Variants in RRN3 observed in about 807,000 individuals in gnomAD.
The protein encoded by RRN3 is RNA polymerase I transcription factor RRN3, also known as RNA polymerase I-specific transcription initiation factor RRN3.
Under a neutral mutation model 82.3 loss-of-function variants are expected in RRN3, and 38 were observed. The ratio of observed to expected loss-of-function variants is 0.46; its 90% CI spans 0.36 to 0.61. The LOEUF (loss-of-function observed/expected upper bound fraction) is 0.61. RRN3 is among the 20% of genes least tolerant of loss of function. RRN3 has a pLI of 0.00. For synonymous variants in RRN3, 284 were observed against 284.3 expected, an observed-to-expected ratio of 1.00 and a Z score of 0.01; for missense variants, 726 against 793.1, an observed-to-expected ratio of 0.92 and a Z score of 1.02.
Position 15,061,863 on chromosome 16 carries a change from C to T in RRN3, c.1837G>A (p.Val613Met), listed in dbSNP as rs538860537. Residue 613 changes from valine to methionine, a missense_variant, in exon 18 of 18, where the codon GTG (valine) becomes ATG (methionine). By Grantham distance (21) the Val-to-Met change is conservative. Coordinates refer to ENST00000198767, the MANE Select transcript of RRN3 (RefSeq NM_018427.5). ...CCAATCACGGTATCATTCTGGGGCA[C>T]TTCGCCTTTCAGAAAGTCATCATCT... ...DEDDDFLKGE[V>M]PQNDTVIGIT... The T allele has an allele frequency of 6.2e-7, 1 of 1,613,602 alleles. No homozygotes were observed. The highest frequency in any genetic ancestry group is 1.1e-5 in the South Asian group (1 of 91,074).
intron 8 of RRN3, among the ~76,000 whole-genome samples, chr16:15,083,176 A>C (rs948957491): frequency 6.6e-6 from 1 of 152,224 alleles, no homozygotes; most frequent in African/African-American, 2.4e-5. Flanking sequence ...CGAGGCAGGC[A>C]GATCACAAGG....
intron 16 of RRN3, among the ~76,000 whole-genome samples, chr16:15,063,704 CAAAAAAAAAAAA>C (rs10664930): frequency 3.4e-5 from 3 of 89,114 alleles, no homozygotes; most frequent in African/African-American, 1.5e-4. Context: ...GACTCTGTCT[CAAAAAAAAAAAA>C]AAAAAAGAAA....
rs889062453 is a variant in RRN3, at chr16:15,072,261, A to G, written c.1128+689T>C. On this transcript the variant is annotated intron_variant, in intron 12 of 17. Transcript: ENST00000198767. ...TTCCCCCACCAAAAAAAAAAAAAAAAGAAGAAGAAGAAGAAAAGACAAAGC... is the reference window on the plus strand; with the variant it reads ...TTCCCCCACCAAAAAAAAAAAAAAAGGAAGAAGAAGAAGAAAAGACAAAGC... Among the ~76,000 whole-genome samples the G allele has an allele frequency of 2.8e-5, 4 of 144,938 alleles. No homozygotes were observed. The East Asian group carries it at 8.0e-4, about 29-fold the overall frequency.
At chr16:15,089,979 C>A (rs1421690042) in intron 3 of RRN3, among the ~76,000 whole-genome samples, 1 of 151,602 alleles carries the variant, frequency 6.6e-6, no homozygotes, top group Admixed American at 6.6e-5. Flanking sequence ...GAGGCCAAGG[C>A]GGGCAGGTCA....
chr16:15,069,038 T>C (rs1243981046), intron 14 of RRN3, among the ~76,000 whole-genome samples: 1 of 152,230 alleles, frequency 6.6e-6, no homozygotes, highest in Non-Finnish European at 1.5e-5. Flanking sequence ...TTACTTACCT[T>C]GTGATAAAAC....
rs780213623 is a variant in RRN3, at chr16:15,061,751, G to C, written c.1949C>G (p.Pro650Arg). Residue 650 changes from proline to arginine, a missense_variant, in exon 18 of 18, where the codon CCC becomes CGC. By Grantham distance (103) the Pro-to-Arg change is moderately radical. Around this residue, in one of 4 missense-constraint regions of RRN3, gnomAD observed 166 missense variants for 154.8 expected, o/e 1.07. Coordinates refer to ENST00000198767, the MANE Select transcript of RRN3 (RefSeq NM_018427.5). ...SPPVLYMQPS[P>R]L ...AGTCACAAATTTCTGCCGTCAGAGGGGACTGGGTTGCATGTACAACACGGG... is the reference window on the plus strand; with the variant it reads ...AGTCACAAATTTCTGCCGTCAGAGGCGACTGGGTTGCATGTACAACACGGG... The C allele has an allele frequency of 3.1e-6, 5 of 1,611,200 alleles. No homozygotes were observed. Among genetic ancestry groups the C allele is most frequent in the South Asian group, 1.1e-5 (1 of 90,972 alleles).
rs946032708 is a variant in RRN3 at position 15,076,796 on chromosome 16, G to C, written c.766-146C>G. The C allele has an allele frequency of 4.8e-6, 3 of 628,874 alleles. No individual in the cohort carries two copies. The African/African-American group carries it at 5.5e-5, about 12-fold the overall frequency. The allele number at this position is 628,874 out of a possible 1,614,324, so 39.0% of individuals were successfully genotyped here. A position where few individuals can be genotyped will look rare whatever the true frequency, so the allele number is the denominator to read the frequency against. Reference sequence around the variant, plus strand: ...ACACCCCAACACAATACACAATTATGGTGCAAGCCTGTAAACTGACCTAGG... The same window carrying C: ...ACACCCCAACACAATACACAATTATCGTGCAAGCCTGTAAACTGACCTAGG... On this transcript the variant is annotated intron_variant, in intron 9 of 17. Coordinates refer to ENST00000198767, the MANE Select transcript of RRN3 (RefSeq NM_018427.5).
chr16:15,086,195 G>A lies in RRN3; in HGVS notation c.406C>T (p.Leu136Phe). ...AGGAAAACAGTCTGTGCTGATACAA[G>A]ATTACCAAGAAAAGCCAAATACTCT... ...VEEYLAFLGN[L>F]VSAQTVFLRP... is the part of the protein sequence containing the mutation. The change falls in exon 5 of 18, where the codon CTT becomes TTT. Residue 136 changes from leucine to phenylalanine, a missense_variant. By Grantham distance (22) the Leu-to-Phe change is conservative. This residue lies in a region of RRN3 where 344 missense variants were observed against 394.5 expected (regional missense o/e 0.87). Coordinates refer to ENST00000198767, the MANE Select transcript of RRN3 (RefSeq NM_018427.5). 6.3e-7 allele frequency: 1 copy of A among 1,592,650 alleles called. No homozygotes were observed. The highest frequency in any genetic ancestry group is 8.6e-7 in the Non-Finnish European group (1 of 1,165,100).
At position 15,086,172 on chromosome 16, in the gene RRN3, G is replaced by A; in HGVS notation, c.429C>T (p.Phe143=). Residue 143 remains phenylalanine (F), a synonymous_variant, in exon 5 of 18, where the codon TTC becomes TTT. Transcript: ENST00000198767. ...LGNLVSAQTV[F]LRPCLSMIAS... Reference sequence around the variant, plus strand: ...CAATCATGCTGAGACACGGTCTGAGGAAAACAGTCTGTGCTGATACAAGAT... The same window carrying A: ...CAATCATGCTGAGACACGGTCTGAGAAAAACAGTCTGTGCTGATACAAGAT... The A allele has an allele frequency of 2.5e-6, 4 of 1,606,070 alleles. No individual in the cohort carries two copies. Among genetic ancestry groups the A allele is most frequent in the Non-Finnish European group, 3.4e-6 (4 of 1,175,296 alleles).
intron 1 of RRN3, among the ~76,000 whole-genome samples, chr16:15,093,494 G>A (rs1403940240): frequency 6.6e-6 from 1 of 152,140 alleles, no homozygotes; most frequent in African/African-American, 2.4e-5. Flanking sequence ...AGAAAGCAGG[G>A]ACATTAGTGT....
chr16:15,078,890 C>T (rs963618347), intron 9 of RRN3, among the ~76,000 whole-genome samples: 2 of 150,470 alleles, frequency 1.3e-5, no homozygotes, highest in African/African-American at 4.9e-5. Flanking sequence ...CGGCTCACTG[C>T]AAGCTCCACC....
intron 14 of RRN3, among the ~76,000 whole-genome samples, chr16:15,069,758 C>T (rs1751145409): frequency 6.6e-6 from 1 of 152,202 alleles, no homozygotes; most frequent in Non-Finnish European, 1.5e-5. Flanking sequence ...AAGCTTTGTA[C>T]AGGGCGCTGG....
chr16:15,094,229 G>C lies in RRN3; in HGVS notation c.5C>G (p.Ala2Gly). ...CAAACGCGTGTGAAGCAGCGGTGCCGCCATTGGGCCGAACTAACGCGACCG... is the reference window on the plus strand; with the variant it reads ...CAAACGCGTGTGAAGCAGCGGTGCCCCCATTGGGCCGAACTAACGCGACCG... M[A>G]APLLHTRLPG... The change falls in exon 1 of 18, where the codon GCG becomes GGG. Residue 2 changes from alanine to glycine, a missense_variant. Physicochemically the swap from Ala to Gly is moderately conservative, Grantham distance 60. Around this residue, in one of 4 missense-constraint regions of RRN3, gnomAD observed 135 missense variants for 87.4 expected, o/e 1.55. Coordinates refer to ENST00000198767, the MANE Select transcript of RRN3 (RefSeq NM_018427.5). 6.3e-7 allele frequency: 1 copy of C among 1,585,952 alleles called. No individual in the cohort carries two copies. The highest frequency in any genetic ancestry group is 8.6e-7 in the Non-Finnish European group (1 of 1,166,600).
intron 12 of RRN3, 142 bp downstream of exon 12, chr16:15,072,808 G>T: frequency 1.2e-6 from 1 of 812,920 alleles, no homozygotes; most frequent in Non-Finnish European, 1.9e-6. Flanking sequence ...AAAGGAGAAT[G>T]CGATTTTATT....
intron 1 of RRN3, among the ~76,000 whole-genome samples, chr16:15,093,102 TC>T (rs2046203692): frequency 6.6e-6 from 1 of 152,018 alleles, no homozygotes; most frequent in South Asian, 2.1e-4. Flanking sequence ...TCTCCCGGGT[TC>T]AAGCAATTAT....
intron 10 of RRN3, 175 bp downstream of exon 10, chr16:15,076,383 A>G: frequency 3.2e-6 from 2 of 627,308 alleles, no homozygotes; most frequent in Non-Finnish European, 2.9e-6. Context: ...AAATAGACCA[A>G]CTATGCTAAG....
chr16:15,084,624 A>C lies in RRN3; in HGVS notation c.596+18T>G. The C allele has an allele frequency of 6.5e-7, 1 of 1,545,904 alleles. No homozygotes were observed. Among genetic ancestry groups the C allele is most frequent in the Non-Finnish European group, 8.9e-7 (1 of 1,122,920 alleles). On this transcript the variant is annotated intron_variant, in intron 7 of 17. Transcript: ENST00000198767. ...TTCTTGAGAATTAAACATTCAAAAT[A>C]AGGAAAAGTATACTCACGATGGTAC...
chr16:15,068,866 G>A (rs2045097255), intron 14 of RRN3, among the ~76,000 whole-genome samples: 1 of 152,128 alleles, frequency 6.6e-6, no homozygotes, highest in Admixed American at 6.5e-5. Flanking sequence ...TTTATTTTAA[G>A]AGGCAAGCTG....
At chr16:15,091,451 A>T (rs1013588690) in intron 2 of RRN3, 80 bp from the exon 3 acceptor site, 40 of 887,954 alleles carry the variant, frequency 4.5e-5, no homozygotes, top group Non-Finnish European at 5.9e-5. Context: ...ACCGTACTTT[A>T]ACATCAGATG....
Sources: allele counts gnomAD v4.1 joint callset (sites outside exome capture counted in the v4.1 genomes callset), GRCh38; gene constraint gnomAD v4.1.1; regional missense constraint gnomAD v4.1.1; transcripts MANE v1.5; gene names NCBI Gene and HGNC (gene_info 2026-07-23, HGNC 2026-07-21).